The following CPT1B variants were observed in gnomAD, a reference collection of about 807,000 sequenced individuals.
CPT1B encodes the protein carnitine O-palmitoyltransferase 1, muscle isoform.
A neutral mutation model predicts 92.7 loss-of-function variants in CPT1B; 57 were observed. The observed-to-expected ratio is 0.62, with a 90% confidence interval of 0.50 to 0.77. The LOEUF is 0.77. Ranked by LOEUF, CPT1B falls within the 30% of genes least tolerant of loss-of-function variation. CPT1B has a pLI of 0.00. For missense variants in CPT1B, 983 were observed against 1,017.4 expected, an observed-to-expected ratio of 0.97 and a Z score of 0.46; for synonymous variants, 398 against 383.5, an observed-to-expected ratio of 1.04 and a Z score of -0.44.
chr22:50,569,824 G>A (rs796322589), intron 17 of CPT1B, among the ~76,000 whole-genome samples, 156 bp from the exon 18 acceptor site: 8 of 152,308 alleles, frequency 5.3e-5, no homozygotes, highest in African/African-American at 1.9e-4. Flanking sequence ...AGGAAACTGT[G>A]AAAACCAAAG....
At chr22:50,572,776 A>T (rs2070239703) in intron 11 of CPT1B, 99 bp downstream of exon 11, 1 of 1,336,158 alleles carries the variant, frequency 7.5e-7, no homozygotes, top group South Asian at 1.3e-5. Context: ...GTGCCACTGC[A>T]CCCAGCTCAT....
At chr22:50,571,712 G>A (rs765862769) in intron 13 of CPT1B, among the ~76,000 whole-genome samples, 173 bp from the exon 14 acceptor site, 3 of 152,190 alleles carry the variant, frequency 2.0e-5, no homozygotes, top group Non-Finnish European at 4.4e-5. Flanking sequence ...CCCAGAGGCC[G>A]GGCTCAGCTT....
chr22:50,577,389 G>A lies in CPT1B; in HGVS notation c.216C>T (p.Ser72=), dbSNP rs1322195580. The A allele has an allele frequency of 6.2e-7, 1 of 1,613,852 alleles. No individual in the cohort carries two copies. The highest frequency in any genetic ancestry group is 1.3e-5 in the African/African-American group (1 of 74,946). Residue 72 remains serine, a synonymous_variant, in exon 3 of 20, where the codon TCC becomes TCT. Transcript: ENST00000312108. ...AGGAGATGTCCACGTTGCAGAAGGA[G>A]GAACCCACTGTTGCCATGATGACGA... ...WLVVIMATVG[S]SFCNVDISLG... is the part of the protein sequence containing the mutation.
Position 50,572,047 on chromosome 22 carries a change from G to A in CPT1B, c.1534C>T (p.Leu512Phe). Residue 512 changes from leucine to phenylalanine, a missense_variant, in exon 13 of 20, where the codon CTC (leucine) becomes TTC (phenylalanine). Leu to Phe is a conservative substitution (Grantham distance 22). Coordinates refer to ENST00000312108, the MANE Select transcript of CPT1B (RefSeq NM_152246.3). ...GHCLGKPNPA[L>F]APPTRLQWDI... ...CACTGCAGCCGTGTAGGAGGTGCGA[G>A]CGCAGGGTTCGGTTTGCCCAGGCAG... 1 of 1,614,176 alleles carries A rather than the reference G, an allele frequency of 6.2e-7. No homozygotes were observed. Among genetic ancestry groups the A allele is most frequent in the Non-Finnish European group, 8.5e-7 (1 of 1,180,014 alleles).
Position 50,576,567 on chromosome 22 carries a change from G to A in CPT1B, c.530C>T (p.Pro177Leu), listed in dbSNP as rs1489905326. 1 of 1,607,190 alleles carries A rather than the reference G, an allele frequency of 6.2e-7. No individual in the cohort carries two copies. ...AATTGTGGCTGACACCCTGGGCACAGGAAGCTTGGGCAGAGATGTCTGGAA... is the reference window on the plus strand; with the variant it reads ...AATTGTGGCTGACACCCTGGGCACAAGAAGCTTGGGCAGAGATGTCTGGAA... ...YSFQTSLPKL[P>L]VPRVSATIQR... is the part of the protein sequence containing the mutation. The change falls in exon 5 of 20, where the codon CCT (proline) becomes CTT (leucine). Residue 177 changes from proline to leucine, a missense_variant. Transcript: ENST00000312108.
Position 50,576,063 on chromosome 22 carries a change from A to C in CPT1B, c.749T>G (p.Leu250Arg), listed in dbSNP as rs757195723. The C allele has an allele frequency of 1.9e-6, 3 of 1,614,134 alleles. No individual in the cohort carries two copies. The highest frequency in any genetic ancestry group is 2.2e-5 in the South Asian group (2 of 91,088). ...GACATAATAGTTGCTGTTCACCATG[A>C]GAGGGCTCCTGCCTCGAAGGTAGAT... The part of the protein sequence containing the change: ...EYIYLRGRSP[L>R]MVNSNYYVMD... Residue 250 changes from leucine to arginine, a missense_variant, in exon 7 of 20, where the codon CTC (leucine) becomes CGC (arginine). Coordinates refer to ENST00000312108, the MANE Select transcript of CPT1B (RefSeq NM_152246.3).
In CPT1B at chr22:50,572,008, G is replaced by T; in HGVS notation, c.1573C>A (p.Gln525Lys). The T allele has an allele frequency of 6.2e-7, 1 of 1,613,736 alleles. No homozygotes were observed. The highest frequency in any genetic ancestry group is 8.5e-7 in the Non-Finnish European group (1 of 1,179,836). ...PTRLQWDIPKQCQAVIESSYQ... is the reference protein window; with the variant it reads ...PTRLQWDIPKKCQAVIESSYQ... ...TGCTCTGGGAGCTTCCAACCCACCT[G>T]TTTTGGAATGTCCCACTGCAGCCGT... The change falls in exon 13 of 20, where the codon CAG becomes AAG. Residue 525 changes from glutamine (Q) to lysine (K), a missense_variant and splice_region_variant. By Grantham distance (53) the Gln-to-Lys change is moderately conservative (BLOSUM62 1). Transcript: ENST00000312108.
intron 8 of CPT1B, 36 bp from the exon 9 acceptor site, chr22:50,574,455 T>TC: frequency 6.2e-7 from 1 of 1,613,596 alleles, no homozygotes; most frequent in Non-Finnish European, 8.5e-7. Flanking sequence ...GACTCAGGTC[T>TC]CCCCTCCCAT....
In CPT1B at chr22:50,576,559, T is replaced by G. The variant is rs1252850024; in HGVS notation, c.538A>C (p.Arg180=). The change falls in exon 5 of 20, where the codon AGG becomes CGG. Residue 180 remains arginine (R), a synonymous_variant. Transcript: ENST00000312108. ...QTSLPKLPVP[R]VSATIQRYLE... ...ACCCGCTGAATTGTGGCTGACACCC[T>G]GGGCACAGGAAGCTTGGGCAGAGAT... 6.2e-7 allele frequency: 1 copy of G among 1,606,186 alleles called. No individual in the cohort carries two copies. Among genetic ancestry groups the G allele is most frequent in the Non-Finnish European group, 8.5e-7 (1 of 1,176,416 alleles).
At chr22:50,572,648 A>T (rs8141883) in intron 11 of CPT1B, among the ~76,000 whole-genome samples, 27,272 of 151,094 alleles carry the variant, frequency 0.18, 4,493 homozygotes, top group African/African-American at 0.44. Flanking sequence ...CCAACCACTA[A>T]TCACAATCCT....
At chr22:50,576,503 CT>C in intron 5 of CPT1B, 32 bp downstream of exon 5, 22 of 1,592,476 alleles carry the variant, frequency 1.4e-5, no homozygotes, top group Non-Finnish European at 1.9e-5. Context: ...CCAACCTCCC[CT>C]GCCCACTGGG....
chr22:50,572,413 T>G, intron 11 of CPT1B, 105 bp from the exon 12 acceptor site: 1 of 682,322 alleles, frequency 1.5e-6, no homozygotes, highest in Non-Finnish European at 2.5e-6. Flanking sequence ...ATTCTCTCTC[T>G]CTTTTTCTCT....
rs756828520 is a variant in CPT1B at position 50,576,524 on chromosome 22, C to T, written c.561+12G>A. The T allele has an allele frequency of 1.3e-5, 21 of 1,595,938 alleles. No homozygotes were observed. Among genetic ancestry groups the T allele is most frequent in the Admixed American group, 1.8e-5 (1 of 56,120 alleles). On this transcript the variant is annotated intron_variant, in intron 5 of 19. Transcript: ENST00000312108. ...TCCCCTGCCCACTGGGATGCCCAAG[C>T]GAGGCCCTCACCCGCTGAATTGTGG...
intron 13 of CPT1B, 107 bp from the exon 14 acceptor site, chr22:50,571,646 GC>G: frequency 1.6e-6 from 2 of 1,259,542 alleles, no homozygotes; most frequent in South Asian, 2.7e-5. Flanking sequence ...GGCACAGCCG[GC>G]CAAGACATCT....
In CPT1B at chr22:50,569,557, G is replaced by A. The variant is rs1048723083; in HGVS notation, c.2235+19C>T. ...GGTGGCACCCCTTCCTCAGGCCTGA[G>A]CTGTGGCAGGAGACTCACCGTCTCT... On this transcript the variant is annotated intron_variant, in intron 18 of 19. Transcript: ENST00000312108. The A allele has an allele frequency of 1.2e-6, 2 of 1,611,570 alleles. No individual in the cohort carries two copies. Among genetic ancestry groups the A allele is most frequent in the African/African-American group, 1.3e-5 (1 of 74,988 alleles).
At chr22:50,577,660 A>C (rs2070516979) in intron 2 of CPT1B, 115 bp downstream of exon 2, 11 of 1,493,964 alleles carry the variant, frequency 7.4e-6, no homozygotes, top group Admixed American at 1.8e-5. Context: ...CTGTACTTCC[A>C]CAACCTGTAC....
At chr22:50,572,706 A>T (rs142381610) in intron 11 of CPT1B, among the ~76,000 whole-genome samples, 169 bp downstream of exon 11, 1 of 152,304 alleles carries the variant, frequency 6.6e-6, no homozygotes, top group Non-Finnish European at 1.5e-5. Context: ...GCTGGTCTTG[A>T]GCTCCTGCAC....
intron 19 of CPT1B, 91 bp from the exon 20 acceptor site, chr22:50,569,172 C>A: frequency 1.6e-6 from 1 of 614,042 alleles, no homozygotes; most frequent in Non-Finnish European, 2.8e-6. Context: ...CCCACCTCCA[C>A]CACCTGGGCC....
intron 7 of CPT1B, chr22:50,574,890 A>C: frequency 2.7e-6 from 1 of 366,976 alleles, no homozygotes; most frequent in East Asian, 5.4e-5. Flanking sequence ...GCAGCCTCAA[A>C]TTACTCGCCC....
Sources: gnomAD v4.1 joint callset for allele counts (sites outside exome capture counted in the v4.1 genomes callset) on GRCh38, gnomAD v4.1.1 for gene constraint, MANE v1.5 for transcripts, NCBI Gene and HGNC (gene_info 2026-07-23, HGNC 2026-07-21) for gene names.